The following DOCK8 variants were observed in gnomAD, a reference collection of about 807,000 sequenced individuals.
DOCK8 encodes dedicator of cytokinesis 8, also known as dedicator of cytokinesis protein 8.
Under a neutral mutation model 245.6 loss-of-function variants are expected in DOCK8, and 141 were observed. The ratio of observed to expected loss-of-function variants is 0.57; its 90% confidence interval spans 0.50 to 0.66. DOCK8 has a LOEUF of 0.66. Ranked by LOEUF, DOCK8 falls within the 30% of genes least tolerant of loss-of-function variation. The pLI is 0.00. For synonymous variants in DOCK8, 1,168 were observed against 970.2 expected (o/e 1.20, Z -3.79); for missense variants, 2,965 against 2,603.4 (o/e 1.14, Z -3.02).
chr9:335,455 G>GA (rs2051264170), intron 11 of DOCK8, among the ~76,000 whole-genome samples: 1 of 152,138 alleles, frequency 6.6e-6, no homozygotes, highest in Admixed American at 6.5e-5. Context: ...GGGAAGTGGA[G>GA]GAAAGGGCAT....
At chr9:319,072 G>A (rs568711804) in intron 7 of DOCK8, among the ~76,000 whole-genome samples, 1 of 152,346 alleles carries the variant, frequency 6.6e-6, no homozygotes, top group Admixed American at 6.5e-5. Flanking sequence ...CAAAGTGGGA[G>A]GATCGCTTGA....
chr9:413,939 C>A (rs4741871), intron 28 of DOCK8, among the ~76,000 whole-genome samples: 13 of 151,954 alleles, frequency 8.6e-5, no homozygotes, highest in Non-Finnish European at 1.6e-4. Context: ...GCCAGGAGTT[C>A]GAGACCAGCC....
intron 9 of DOCK8, among the ~76,000 whole-genome samples, chr9:330,951 T>C (rs1398302743): frequency 6.6e-6 from 1 of 152,216 alleles, no homozygotes; most frequent in Non-Finnish European, 1.5e-5. Flanking sequence ...TTCTCCTGCT[T>C]CCTGTATGTT....
intron 2 of DOCK8, among the ~76,000 whole-genome samples, chr9:282,315 C>G (rs1182760948): frequency 6.6e-6 from 1 of 151,936 alleles, no homozygotes; most frequent in Non-Finnish European, 1.5e-5. Flanking sequence ...CCTGGATAGT[C>G]TCTCCTGTAG....
rs768828881 is a variant in DOCK8 at position 379,955 on chromosome 9, G to C, written c.2605+20G>C. ...AGTCAGGTAGAGTTGCCCTGAGTGT[G>C]GGACTCTGGTGGGCGGGGCAACACC... is the stretch of plus-strand genomic sequence containing the variant. On this transcript the variant is annotated intron_variant, in intron 21 of 47. Coordinates refer to ENST00000432829, the MANE Select transcript of DOCK8 (RefSeq NM_203447.4). 10 of 1,611,094 alleles carry C rather than the reference G, an allele frequency of 6.2e-6. No homozygotes were observed. Among genetic ancestry groups the C allele is most frequent in the Non-Finnish European group, 8.5e-6 (10 of 1,179,042 alleles).
intron 14 of DOCK8, among the ~76,000 whole-genome samples, chr9:357,477 CTCTT>C (rs1327998208): frequency 6.6e-6 from 1 of 152,210 alleles, no homozygotes; most frequent in African/African-American, 2.4e-5. Context: ...TTCTCTTTCT[CTCTT>C]TCTGTCATTT....
upstream of DOCK8, chr9:214,642 G>T: frequency 6.2e-7 from 1 of 1,611,160 alleles, no homozygotes; most frequent in East Asian, 2.2e-5. Context: ...CCTGTCGTCC[G>T]CCCGCGCTCC....
At chr9:264,741 C>T (rs1199652275) in intron 1 of DOCK8, among the ~76,000 whole-genome samples, 1 of 152,140 alleles carries the variant, frequency 6.6e-6, no homozygotes, top group Non-Finnish European at 1.5e-5. Context: ...TTACTAAAAG[C>T]ATCCAAGAAT....
chr9:282,972 C>T (rs541568498), intron 2 of DOCK8, among the ~76,000 whole-genome samples: 2 of 152,236 alleles, frequency 1.3e-5, no homozygotes, highest in Admixed American at 1.3e-4. Context: ...TCTGAGCAGC[C>T]AATCTTATGA....
At chr9:404,779 C>A (rs1383896614) in intron 26 of DOCK8, 139 bp from the exon 27 acceptor site, 7 of 864,300 alleles carry the variant, frequency 8.1e-6, no homozygotes, top group Non-Finnish European at 1.3e-5. Context: ...CAGAATTTAC[C>A]ATCTGTTGCA....
intron 33 of DOCK8, among the ~76,000 whole-genome samples, chr9:423,181 C>T (rs1159949109): frequency 6.6e-6 from 1 of 150,986 alleles, no homozygotes; most frequent in African/African-American, 2.4e-5. Flanking sequence ...ATATTGTTAC[C>T]AGAAAAAAAA....
At chr9:362,524 A>C (rs1054257465) in intron 14 of DOCK8, among the ~76,000 whole-genome samples, 1 of 152,200 alleles carries the variant, frequency 6.6e-6, no homozygotes, top group Non-Finnish European at 1.5e-5. Context: ...CCCTGCAACC[A>C]GTTGACACTG....
chr9:339,365 G>T (rs745529492), intron 13 of DOCK8, among the ~76,000 whole-genome samples: 3 of 152,102 alleles, frequency 2.0e-5, no homozygotes, highest in Non-Finnish European at 4.4e-5. Flanking sequence ...TTAAACAGAG[G>T]AGCCCCTTTA....
At chr9:302,853 G>A (rs1313411679) in intron 4 of DOCK8, among the ~76,000 whole-genome samples, 1 of 152,026 alleles carries the variant, frequency 6.6e-6, no homozygotes, top group South Asian at 2.1e-4. Context: ...AATAGACTGG[G>A]CATGTGGCTT....
Position 396,850 on chromosome 9 carries a change from T to C in DOCK8, c.3036T>C (p.Phe1012=). 1 of 1,614,184 alleles carries C rather than the reference T, an allele frequency of 6.2e-7. No individual in the cohort carries two copies. Among genetic ancestry groups the C allele is most frequent in the Non-Finnish European group, 8.5e-7 (1 of 1,180,026 alleles). Residue 1012 remains phenylalanine, a synonymous_variant, in exon 25 of 48, where the codon TTT becomes TTC. Coordinates refer to ENST00000432829, the MANE Select transcript of DOCK8 (RefSeq NM_203447.4). ...DKRDSFRRTR[F]SDRFMDDITT... ...GGGACAGTTTTCGGAGGACTCGTTT[T>C]TCTGACCGTTTCATGGATGACATAA...
chr9:308,577 GATT>G lies in DOCK8; in HGVS notation c.529-3374_529-3372del, dbSNP rs1376305767. Among the ~76,000 whole-genome samples, 4 of 152,192 alleles carry G rather than the reference GATT, an allele frequency of 2.6e-5. No individual in the cohort carries two copies. In the South Asian group the frequency reaches 8.3e-4, roughly 32 times the overall value. On this transcript the variant is annotated intron_variant, in intron 5 of 47. Transcript: ENST00000432829. ...GTACACGTAGATTTTATAAAAATTAGATTATATTATGCATAATATTGCAAAACT... is the reference window on the plus strand; with the variant it reads ...GTACACGTAGATTTTATAAAAATTAGATATTATGCATAATATTGCAAAACT...
chr9:252,737 G>A (rs765178423), intron 1 of DOCK8, among the ~76,000 whole-genome samples: 7 of 150,708 alleles, frequency 4.6e-5, no homozygotes, highest in South Asian at 2.1e-4. Context: ...CCGGGAGGTC[G>A]CAGTGAGCCG....
intron 19 of DOCK8, 67 bp downstream of exon 19, chr9:376,372 A>G (rs2053516602): frequency 6.4e-6 from 7 of 1,101,320 alleles, no homozygotes; most frequent in Admixed American, 1.7e-5. Context: ...GGACAGGCCA[A>G]TAAAAGATCA....
intron 23 of DOCK8, 141 bp from the exon 24 acceptor site, chr9:390,330 C>T (rs1179755891): frequency 1.3e-6 from 1 of 785,372 alleles, no homozygotes; most frequent in African/African-American, 1.7e-5. Context: ...CCATCCACCA[C>T]TTACTGCCTA....
Sources: allele counts gnomAD v4.1 joint callset (sites outside exome capture counted in the v4.1 genomes callset), GRCh38; gene constraint gnomAD v4.1.1; transcripts MANE v1.5; gene names NCBI Gene and HGNC (gene_info 2026-07-23, HGNC 2026-07-21).